The following LMOD1 variants were observed in gnomAD, a reference collection of about 807,000 sequenced individuals.
LMOD1 encodes leiomodin 1.
Under a neutral mutation model 36.5 loss-of-function variants are expected in LMOD1, and 8 were observed. The ratio of observed to expected loss-of-function variants is 0.22; its 90% CI spans 0.13 to 0.40. LMOD1 has a LOEUF of 0.40. Among genes scored for constraint, LMOD1 ranks in the 10% least tolerant of loss-of-function variants. The probability of loss-of-function intolerance (pLI) is 1.00; values close to 1 mark genes in which losing one functional copy is unlikely to be tolerated. For missense variants in LMOD1, 630 were observed against 751.1 expected, an observed-to-expected ratio of 0.84 and a Z score of 1.88; for synonymous variants, 284 against 288.7, an observed-to-expected ratio of 0.98 and a Z score of 0.17.
At chr1:201,927,460 G>A (rs1170108820) in intron 1 of LMOD1, among the ~76,000 whole-genome samples, 1 of 152,008 alleles carries the variant, frequency 6.6e-6, no homozygotes, top group African/African-American at 2.4e-5. Context: ...CAGCTACTCA[G>A]GAGGCTGAGG....
At chr1:201,924,086 G>T (rs569958817) in intron 1 of LMOD1, among the ~76,000 whole-genome samples, 2 of 151,894 alleles carry the variant, frequency 1.3e-5, no homozygotes, top group Admixed American at 1.3e-4. Flanking sequence ...GGAGGCCGAG[G>T]CGGGCAGATC....
At position 201,900,666 on chromosome 1, in the gene LMOD1, C is replaced by T. The variant is rs752846042; in HGVS notation, c.347G>A (p.Arg116Lys). Residue 116 changes from arginine to lysine, a missense_variant, in exon 2 of 3, where the codon AGA (arginine) becomes AAA (lysine). Arg to Lys is a conservative substitution (Grantham distance 26, BLOSUM62 2). This residue lies in a region of LMOD1 where 405 missense variants were observed against 400.6 expected (regional missense o/e 1.01). Transcript: ENST00000367288. Reference protein sequence around the residue: ...RDASKKALGPRRDSDLGKEPK... With the variant: ...RDASKKALGPKRDSDLGKEPK... ...CTCCTTCCCCAGATCTGAGTCCCGT[C>T]TGGGGCCCAGGGCTTTTTTGCTGGC... is the stretch of plus-strand genomic sequence containing the variant. 8.1e-6 allele frequency: 13 copies of T among 1,613,838 alleles called. No individual in the cohort carries two copies. Among genetic ancestry groups the T allele is most frequent in the Non-Finnish European group, 1.1e-5 (13 of 1,179,902 alleles).
chr1:201,919,519 T>C (rs1681666025), intron 1 of LMOD1, among the ~76,000 whole-genome samples: 1 of 152,168 alleles, frequency 6.6e-6, no homozygotes, highest in East Asian at 1.9e-4. Context: ...TCTTCTTTTT[T>C]AACCTGACTC....
At chr1:201,920,831 C>G (rs940092901) in intron 1 of LMOD1, among the ~76,000 whole-genome samples, 10 of 151,222 alleles carry the variant, frequency 6.6e-5, no homozygotes, top group African/African-American at 2.2e-4. Context: ...GAGTTTGAGA[C>G]CAGCCTGGGC....
chr1:201,915,595 G>A lies in LMOD1; in HGVS notation c.262-14844C>T, dbSNP rs528198119. Among the ~76,000 whole-genome samples, 6 of 152,202 alleles carry A rather than the reference G, an allele frequency of 3.9e-5. No individual in the cohort carries two copies. In the East Asian group the frequency reaches 9.7e-4, roughly 24 times the overall value. ...AAGGAGGGATCTGTGGGGAGGCAAC[G>A]TGGACCCCTCTGCACCCCGCTCTGC... On this transcript the variant is annotated intron_variant, in intron 1 of 2. Transcript: ENST00000367288.
At chr1:201,914,425 C>T (rs534607514) in intron 1 of LMOD1, among the ~76,000 whole-genome samples, 8 of 152,192 alleles carry the variant, frequency 5.3e-5, no homozygotes, top group South Asian at 2.1e-4. Context: ...ACATCTGGTA[C>T]GGGGCGGTAT....
intron 1 of LMOD1, among the ~76,000 whole-genome samples, chr1:201,907,811 T>C (rs983766510): frequency 2.6e-5 from 4 of 152,034 alleles, no homozygotes; most frequent in Admixed American, 2.0e-4. Flanking sequence ...CTGCGGGCCT[T>C]GCTCGTTCAT....
intron 1 of LMOD1, among the ~76,000 whole-genome samples, chr1:201,944,853 C>T (rs1174332481): frequency 6.6e-6 from 1 of 152,168 alleles, no homozygotes; most frequent in Non-Finnish European, 1.5e-5. Context: ...CACCAATATG[C>T]TCTGTGACTA....
rs1681261666 is a variant in LMOD1 at position 201,899,736 on chromosome 1, C to T, written c.1277G>A (p.Arg426Gln). 6.2e-7 allele frequency: 1 copy of T among 1,614,028 alleles called. No homozygotes were observed. Among genetic ancestry groups the T allele is most frequent in the Non-Finnish European group, 8.5e-7 (1 of 1,179,888 alleles). ...CTCCGTCTTGCCTCCACAGATGTGTCGCTGGTTGTGGAAGCGGAGCTCGGT... is the reference window on the plus strand; with the variant it reads ...CTCCGTCTTGCCTCCACAGATGTGTTGCTGGTTGTGGAAGCGGAGCTCGGT... The part of the protein sequence containing the change: ...TLTELRFHNQ[R>Q]HICGGKTEME... Residue 426 changes from arginine to glutamine, a missense_variant, in exon 2 of 3, where the codon CGA becomes CAA. By Grantham distance (43) the Arg-to-Gln change is conservative. This residue lies in a region of LMOD1 where 81 missense variants were observed against 180.6 expected (regional missense o/e 0.45). Transcript: ENST00000367288. This position sits in a 1 kb window ranked among gnomAD's most constrained non-coding sequence, Gnocchi z 6.3.
intron 1 of LMOD1, among the ~76,000 whole-genome samples, chr1:201,924,374 AGGG>A (rs1442997078): frequency 1.4e-4 from 18 of 126,662 alleles, no homozygotes; most frequent in East Asian, 5.4e-4. Flanking sequence ...AGAGGGAGGG[AGGG>A]AGGGAAGGAA....
In LMOD1 at chr1:201,946,273, G is replaced by C; in HGVS notation, c.68C>G (p.Thr23Ser). ...CTCCTCCATCTCCTCGGGAGACAGG[G>C]TCTCCAGCAGGCTGTCGATGTCGGG... ...EDPDIDSLLE[T>S]LSPEEMEELE... The change falls in exon 1 of 3, where the codon ACC becomes AGC. Residue 23 changes from threonine to serine, a missense_variant. Around this residue, in one of 3 missense-constraint regions of LMOD1, gnomAD observed 405 missense variants for 400.6 expected, o/e 1.01. Coordinates refer to ENST00000367288, the MANE Select transcript of LMOD1 (RefSeq NM_012134.3). 1 of 1,614,018 alleles carries C rather than the reference G, an allele frequency of 6.2e-7. No homozygotes were observed. The highest frequency in any genetic ancestry group is 8.5e-7 in the Non-Finnish European group (1 of 1,179,892).
intron 1 of LMOD1, among the ~76,000 whole-genome samples, chr1:201,912,970 T>C (rs755651650): frequency 9.2e-5 from 14 of 152,064 alleles, no homozygotes; most frequent in Non-Finnish European, 1.8e-4. Flanking sequence ...CTTGAGGATG[T>C]CCAGGGCTGT....
chr1:201,900,986 C>T (rs1681290506), intron 1 of LMOD1, among the ~76,000 whole-genome samples: 1 of 152,116 alleles, frequency 6.6e-6, no homozygotes, highest in South Asian at 2.1e-4. Flanking sequence ...TGTGAGACAA[C>T]CAAACAAATA....
Position 201,900,711 on chromosome 1 carries a change from C to T in LMOD1, c.302G>A (p.Gly101Glu). 1 of 1,610,992 alleles carries T rather than the reference C, an allele frequency of 6.2e-7. No individual in the cohort carries two copies. Among genetic ancestry groups the T allele is most frequent in the South Asian group, 1.1e-5 (1 of 90,862 alleles). Residue 101 changes from glycine (G) to glutamate (E), a missense_variant, in exon 2 of 3, where the codon GGA (glycine) becomes GAA (glutamate). Transcript: ENST00000367288. Reference protein sequence around the residue: ...QVETKTDAKNGEERGRDASKK... With the variant: ...QVETKTDAKNEEERGRDASKK... ...GCTGGCATCTCTGCCCCTTTCCTCTCCATTCTTGGCATCTGTCTTGGTCTC... is the reference window on the plus strand; with the variant it reads ...GCTGGCATCTCTGCCCCTTTCCTCTTCATTCTTGGCATCTGTCTTGGTCTC...
intron 1 of LMOD1, among the ~76,000 whole-genome samples, chr1:201,944,831 C>T (rs1298612238): frequency 1.3e-5 from 2 of 152,096 alleles, no homozygotes; most frequent in Non-Finnish European, 2.9e-5. Context: ...CTAAAGGAGT[C>T]AGGGCTGTGT....
rs533788169 is a variant in LMOD1 at position 201,901,502 on chromosome 1, CA to C, written c.262-752del. 3.6e-3 allele frequency among the ~76,000 whole-genome samples: 266 copies of C among 73,646 alleles called. 10 individuals carry two copies. The highest frequency in any genetic ancestry group is 0.014 in the African/African-American group (239 of 16,760). The allele number at this position is 73,646 out of a possible 152,430, so 48.3% of individuals were successfully genotyped here. On this transcript the variant is annotated intron_variant, in intron 1 of 2. Transcript: ENST00000367288. ...AAGCAACAAGAGCGAAACTCTGTCT[CA>C]AAAAAAAAATATATATATATATATA...
chr1:201,927,522 C>T (rs931576358), intron 1 of LMOD1, among the ~76,000 whole-genome samples: 8 of 151,410 alleles, frequency 5.3e-5, no homozygotes, highest in South Asian at 2.1e-4. Flanking sequence ...GCCAAGATCA[C>T]GCCACTGCAC....
chr1:201,933,946 A>G (rs1187214254), intron 1 of LMOD1, among the ~76,000 whole-genome samples: 5 of 152,196 alleles, frequency 3.3e-5, no homozygotes, highest in African/African-American at 9.6e-5. Context: ...AATTAGCCCC[A>G]GGTCCCCCTG....
chr1:201,936,939 C>CA lies in LMOD1; in HGVS notation c.261+9140dup, dbSNP rs199993251. On this transcript the variant is annotated intron_variant, in intron 1 of 2. Coordinates refer to ENST00000367288, the MANE Select transcript of LMOD1 (RefSeq NM_012134.3). ...TGGGCAACAGAGTGAGACTCTGTCT[C>CA]AAAAAAAAAGAATCTGCTCAAATGT... is the stretch of plus-strand genomic sequence containing the variant. 2.1e-3 allele frequency among the ~76,000 whole-genome samples: 314 copies of CA among 150,358 alleles called. 1 individual carries two copies. The highest frequency in any genetic ancestry group is 6.9e-3 in the African/African-American group (283 of 40,996).
Sources: gnomAD v4.1 joint callset for allele counts (sites outside exome capture counted in the v4.1 genomes callset) on GRCh38, gnomAD v4.1.1 for gene constraint, gnomAD v4.1.1 regional missense constraint, Gnocchi (gnomAD v3.1) non-coding constraint, MANE v1.5 for transcripts, NCBI Gene and HGNC (gene_info 2026-07-23, HGNC 2026-07-21) for gene names.